PDGFC: variants seen among roughly 807,000 people sequenced by gnomAD.
PDGFC encodes platelet derived growth factor C.
PDGFC carries 12 observed loss-of-function variants against 35.5 expected under a neutral mutation model. That is an observed-to-expected ratio of 0.34 (90% CI 0.22 to 0.55). The LOEUF is 0.55. Among genes scored for constraint, PDGFC ranks in the 20% least tolerant of loss-of-function variants. PDGFC has a pLI of 0.91. For missense variants in PDGFC, 322 were observed against 412.4 expected (o/e 0.78, Z 1.90); for synonymous variants, 159 against 148.8 (o/e 1.07, Z -0.50).
At chr4:156,852,041 T>C (rs1157215652) in intron 1 of PDGFC, among the ~76,000 whole-genome samples, 3 of 151,972 alleles carry the variant, frequency 2.0e-5, no homozygotes, top group Non-Finnish European at 4.4e-5. Flanking sequence ...CCTTATTGAA[T>C]TTCTAATACT....
intron 3 of PDGFC, among the ~76,000 whole-genome samples, chr4:156,795,940 C>T (rs574160624): frequency 9.2e-5 from 14 of 152,258 alleles, no homozygotes; most frequent in African/African-American, 2.9e-4. Context: ...TAATCTCTGT[C>T]GTGGAGGCAG....
intron 3 of PDGFC, among the ~76,000 whole-genome samples, chr4:156,789,634 GAT>G (rs1731233814): frequency 6.6e-6 from 1 of 152,102 alleles, no homozygotes; most frequent in South Asian, 2.1e-4. Context: ...AGAAGCTGAG[GAT>G]ATATAATCTG....
intron 1 of PDGFC, among the ~76,000 whole-genome samples, chr4:156,859,424 A>C (rs1020961313): frequency 6.6e-6 from 1 of 152,130 alleles, no homozygotes; most frequent in African/African-American, 2.4e-5. Context: ...AATGTCAATA[A>C]GTGCTAAAGT....
rs556205174 is a variant in PDGFC, at chr4:156,870,281, A to AT, written c.119-19866dup. Reference sequence around the variant, plus strand: ...TTTTTTCTCTTATTAGCTTAATAGGATTTTTTTTCCTCTCCTTCCACCTCT... The same window carrying AT: ...TTTTTTCTCTTATTAGCTTAATAGGATTTTTTTTTCCTCTCCTTCCACCTCT... On this transcript the variant is annotated intron_variant, in intron 1 of 5. Transcript: ENST00000502773. Among the ~76,000 whole-genome samples, 343 of 151,976 alleles carry AT rather than the reference A, an allele frequency of 2.3e-3. 2 individuals are homozygous for AT. The highest frequency in any genetic ancestry group is 8.0e-3 in the African/African-American group (330 of 41,498).
chr4:156,843,521 C>T (rs1012493368), intron 2 of PDGFC, among the ~76,000 whole-genome samples: 1 of 152,184 alleles, frequency 6.6e-6, no homozygotes, highest in Non-Finnish European at 1.5e-5. Context: ...CTGAGGTAGG[C>T]ATACCACAGA....
chr4:156,909,010 G>A (rs1216381701), intron 1 of PDGFC, among the ~76,000 whole-genome samples: 2 of 152,164 alleles, frequency 1.3e-5, no homozygotes, highest in African/African-American at 4.8e-5. Flanking sequence ...TTTCATGTTT[G>A]TAAAACGTAC....
intron 3 of PDGFC, among the ~76,000 whole-genome samples, chr4:156,803,415 T>C (rs2110921738): frequency 6.6e-6 from 1 of 152,196 alleles, no homozygotes; most frequent in African/African-American, 2.4e-5. Flanking sequence ...ATAATCAAGA[T>C]ATAATAGAGG....
At chr4:156,965,178 G>A (rs1732436480) in intron 1 of PDGFC, among the ~76,000 whole-genome samples, 1 of 152,184 alleles carries the variant, frequency 6.6e-6, no homozygotes, top group Non-Finnish European at 1.5e-5. Context: ...GTCAAGTAGT[G>A]TGCAAGCTCC....
At chr4:156,822,476 A>T (rs536238108) in intron 2 of PDGFC, among the ~76,000 whole-genome samples, 9 of 152,220 alleles carry the variant, frequency 5.9e-5, no homozygotes, top group African/African-American at 1.9e-4. Context: ...TTACTGAATG[A>T]CAAAAAGGCA....
chr4:156,801,844 C>A (rs1047515108), intron 3 of PDGFC, among the ~76,000 whole-genome samples: 3 of 152,052 alleles, frequency 2.0e-5, no homozygotes, highest in African/African-American at 7.2e-5. Flanking sequence ...ATGCTAAAAG[C>A]AAAAAATTAA....
intron 1 of PDGFC, chr4:156,886,762 C>G (rs1730386506): frequency 6.6e-6 from 1 of 152,196 alleles, no homozygotes; most frequent in Non-Finnish European, 1.5e-5. Flanking sequence ...ATTTCTATAT[C>G]TGGACACAAC....
chr4:156,846,269 C>A (rs549539250), intron 2 of PDGFC, among the ~76,000 whole-genome samples: 1 of 151,836 alleles, frequency 6.6e-6, no homozygotes, highest in East Asian at 1.9e-4. Flanking sequence ...GGATAGTCAT[C>A]AAACTCATGT....
chr4:156,964,956 G>A (rs1222602867), intron 1 of PDGFC, among the ~76,000 whole-genome samples: 1 of 152,104 alleles, frequency 6.6e-6, no homozygotes, highest in African/African-American at 2.4e-5. Context: ...AAGAGTCCTT[G>A]GTCTGCATCA....
chr4:156,828,153 G>A (rs1728832932), intron 2 of PDGFC, among the ~76,000 whole-genome samples: 3 of 152,272 alleles, frequency 2.0e-5, no homozygotes, highest in South Asian at 4.2e-4. Context: ...CTCTGGCTCT[G>A]GAGATCTCTG....
intron 4 of PDGFC, 120 bp downstream of exon 4, chr4:156,772,566 T>C (rs1730718994): frequency 3.3e-6 from 2 of 606,278 alleles, no homozygotes; most frequent in South Asian, 2.2e-5. Flanking sequence ...GATAAGAAAA[T>C]GTATTGAATA....
intron 3 of PDGFC, among the ~76,000 whole-genome samples, chr4:156,809,283 A>G (rs889463033): frequency 2.0e-5 from 3 of 152,064 alleles, no homozygotes; most frequent in African/African-American, 7.2e-5. Flanking sequence ...AACCAATGAC[A>G]TACATTTGGC....
intron 1 of PDGFC, among the ~76,000 whole-genome samples, chr4:156,904,576 T>C (rs1414145275): frequency 2.0e-5 from 3 of 152,248 alleles, no homozygotes; most frequent in South Asian, 2.1e-4. Flanking sequence ...TTAAGATTTT[T>C]ATGTGACATA....
intron 1 of PDGFC, among the ~76,000 whole-genome samples, chr4:156,905,564 C>T (rs961552756): frequency 1.3e-5 from 2 of 152,060 alleles, no homozygotes; most frequent in Non-Finnish European, 2.9e-5. Context: ...GATTTCAAAG[C>T]TTCACATTCT....
intron 1 of PDGFC, among the ~76,000 whole-genome samples, chr4:156,946,562 C>T (rs969762640): frequency 2.0e-5 from 3 of 151,980 alleles, no homozygotes; most frequent in African/African-American, 7.2e-5. Context: ...TAATAGTGAG[C>T]TCAAATTTGC....
Sources: gnomAD v4.1 joint callset for allele counts (sites outside exome capture counted in the v4.1 genomes callset) on GRCh38, gnomAD v4.1.1 for gene constraint, MANE v1.5 for transcripts, NCBI Gene and HGNC (gene_info 2026-07-23, HGNC 2026-07-21) for gene names.